The following NOL9 variants were observed in gnomAD, a reference collection of about 807,000 sequenced individuals.
NOL9 encodes the protein polynucleotide 5'-hydroxyl-kinase NOL9.
In NOL9, 28 loss-of-function variants were observed where a neutral mutation model predicts 67.9. The ratio of observed to expected loss-of-function variants is 0.41; its 90% CI spans 0.31 to 0.57. The LOEUF (loss-of-function observed/expected upper bound fraction) is 0.57, where lower values mean the gene tolerates loss of function less well. NOL9 is among the 20% of genes least tolerant of loss of function. The pLI is 0.25. For synonymous variants in NOL9, 356 were observed against 352.2 expected (o/e 1.01, Z -0.12); for missense variants, 777 against 897.0 (o/e 0.87, Z 1.71).
intron 3 of NOL9, among the ~76,000 whole-genome samples, chr1:6,546,962 C>G (rs747174110): frequency 6.6e-6 from 1 of 152,198 alleles, no homozygotes; most frequent in African/African-American, 2.4e-5. Flanking sequence ...TCTCAGGTCT[C>G]ACCTGACCAC....
rs1280504510 is a variant in NOL9 at position 6,540,289 on chromosome 1, A to AT, written c.1075+1540dup. 3.3e-5 allele frequency among the ~76,000 whole-genome samples: 5 copies of AT among 151,608 alleles called. 1 individual carries two copies. The highest frequency in any genetic ancestry group is 7.4e-5 in the Non-Finnish European group (5 of 67,898). On this transcript the variant is annotated intron_variant, in intron 6 of 11. Transcript: ENST00000377705. ...AGGCGCCCGCCACTACGCCTGGCTA[A>AT]TTTTTTGTATTTTTAGTAGAGACGG...
chr1:6,537,050 T>C (rs1347417618), intron 6 of NOL9, among the ~76,000 whole-genome samples: 2 of 151,768 alleles, frequency 1.3e-5, no homozygotes, highest in Non-Finnish European at 2.9e-5. Flanking sequence ...AAAAAAGACA[T>C]ATCACCCAAT....
intron 10 of NOL9, among the ~76,000 whole-genome samples, chr1:6,528,494 G>A (rs1638940899): frequency 1.3e-5 from 2 of 152,326 alleles, no homozygotes; most frequent in Non-Finnish European, 2.9e-5. Context: ...AGGGGCCAGG[G>A]TCTGACCTGG....
chr1:6,532,040 C>G lies in NOL9; in HGVS notation c.1575G>C (p.Leu525Phe). The G allele has an allele frequency of 6.2e-7, 1 of 1,614,162 alleles. No homozygotes were observed. Among genetic ancestry groups the G allele is most frequent in the South Asian group, 1.1e-5 (1 of 91,086 alleles). The change falls in exon 9 of 12, where the codon TTG becomes TTC. Residue 525 changes from leucine (L) to phenylalanine (F), a missense_variant. Transcript: ENST00000377705. The part of the protein sequence containing the change: ...HNKILRDLSI[L>F]SYLSQLQPPM... ...GGGGCTGCAGCTGGCTAAGGTAACT[C>G]AAGATGGACAGATCTCGAAGAATTT...
chr1:6,543,717 T>C (rs1435012719), intron 5 of NOL9, among the ~76,000 whole-genome samples: 2 of 152,220 alleles, frequency 1.3e-5, no homozygotes, highest in African/African-American at 4.8e-5. Flanking sequence ...GGCTTATATC[T>C]GTAATCCCAG....
Position 6,533,403 on chromosome 1 carries a change from C to A in NOL9, c.1114G>T (p.Val372Leu), listed in dbSNP as rs200738743. ...TTACAAGAAGGTTTCCCATAATATACCATCTTCTGTGGAGTCCTCAGGTGA... is the reference window on the plus strand; with the variant it reads ...TTACAAGAAGGTTTCCCATAATATAACATCTTCTGTGGAGTCCTCAGGTGA... ...FTHLRTPQKM[V>L]YYGKPSCKNN... Residue 372 changes from valine (V) to leucine (L), a missense_variant, in exon 7 of 12, where the codon GTA becomes TTA. Transcript: ENST00000377705. The A allele has an allele frequency of 6.2e-7, 1 of 1,612,190 alleles. No individual in the cohort carries two copies. The highest frequency in any genetic ancestry group is 2.2e-5 in the East Asian group (1 of 44,822).
intron 5 of NOL9, among the ~76,000 whole-genome samples, chr1:6,542,418 C>T (rs1253341599): frequency 2.7e-5 from 4 of 150,914 alleles, no homozygotes; most frequent in Non-Finnish European, 5.9e-5. Flanking sequence ...CCACCTCGGT[C>T]CCCCAAAGTG....
At position 6,526,702 on chromosome 1, in the gene NOL9, C is replaced by T. The variant is rs1358609279; in HGVS notation, c.1953G>A (p.Lys651=). The T allele has an allele frequency of 1.9e-6, 3 of 1,612,106 alleles. No individual in the cohort carries two copies. Among genetic ancestry groups the T allele is most frequent in the Admixed American group, 3.4e-5 (2 of 59,680 alleles). ...TGCCCGGGGGAAGGCTCACCTGGCA[C>T]TTAAGGACACAATGTGGAATGGCAA... The part of the protein sequence containing the change: ...GAIAIPHCVL[K]CQRGIEGTVP... Residue 651 remains lysine, a synonymous_variant, in exon 11 of 12, where the codon AAG becomes AAA. Transcript: ENST00000377705.
intron 6 of NOL9, chr1:6,541,010 C>CTTTTTTTT (rs1287698159): frequency 8.1e-6 from 1 of 123,092 alleles, no homozygotes; most frequent in African/African-American, 3.1e-5. Flanking sequence ...TGGTTAACAG[C>CTTTTTTTT]GTTTTTTTTT....
At position 6,532,769 on chromosome 1, in the gene NOL9, A is replaced by G. The variant is rs780345904; in HGVS notation, c.1238-9T>C. On this transcript the variant is annotated splice_polypyrimidine_tract_variant and intron_variant, in intron 7 of 11. Transcript: ENST00000377705. ...AAGCAGGAGCCCCTGGTCTGTGGGGAAGAGACATTAGCACAGCTGATACAC... is the reference window on the plus strand; with the variant it reads ...AAGCAGGAGCCCCTGGTCTGTGGGGGAGAGACATTAGCACAGCTGATACAC... 6 of 1,607,362 alleles carry G rather than the reference A, an allele frequency of 3.7e-6. No homozygotes were observed. The highest frequency in any genetic ancestry group is 5.1e-6 in the Non-Finnish European group (6 of 1,175,868).
chr1:6,527,427 G>A (rs1403581743), intron 10 of NOL9, among the ~76,000 whole-genome samples: 5 of 151,756 alleles, frequency 3.3e-5, no homozygotes, highest in African/African-American at 1.2e-4. Context: ...CGGGTACATC[G>A]AATGAGGTCA....
chr1:6,554,020 C>G (rs1346305247), intron 1 of NOL9, 87 bp downstream of exon 1: 3 of 1,130,912 alleles, frequency 2.7e-6, no homozygotes, highest in Non-Finnish European at 3.6e-6. Context: ...CGGGGGACCA[C>G]GGTCCTCTCC....
In NOL9 at chr1:6,548,954, C is replaced by A. The variant is rs111465153; in HGVS notation, c.744+617G>T. Among the ~76,000 whole-genome samples, 21 of 152,016 alleles carry A rather than the reference C, an allele frequency of 1.4e-4. No individual in the cohort carries two copies. The East Asian group carries it at 4.1e-3, about 29-fold the overall frequency. On this transcript the variant is annotated intron_variant, in intron 3 of 11. Transcript: ENST00000377705. ...AAAATTAGCTGGGCATGGTGGCATG[C>A]ACCTGTGGTCCTAGCTACTTGGGAG...
Position 6,550,622 on chromosome 1 carries a change from G to C in NOL9, c.397-7C>G. 3.1e-6 allele frequency: 5 copies of C among 1,605,870 alleles called. No individual in the cohort carries two copies. Among genetic ancestry groups the C allele is most frequent in the Non-Finnish European group, 3.4e-6 (4 of 1,173,204 alleles). On this transcript the variant is annotated splice_polypyrimidine_tract_variant and splice_region_variant and intron_variant, in intron 1 of 11. Coordinates refer to ENST00000377705, the MANE Select transcript of NOL9 (RefSeq NM_024654.5). ...TCCCACTAAAAGTAAAACCCTAGCA[G>C]GGAGAGAAAACAGAAAAAACATTAT...
chr1:6,551,662 G>A (rs1221844865), intron 1 of NOL9, among the ~76,000 whole-genome samples: 8 of 151,980 alleles, frequency 5.3e-5, no homozygotes, highest in South Asian at 2.1e-4. Context: ...CATAAAAAGG[G>A]ATGAGATCAT....
chr1:6,529,002 A>G lies in NOL9; in HGVS notation c.1817T>C (p.Leu606Ser). Residue 606 changes from leucine to serine, a missense_variant, in exon 10 of 12, where the codon TTG becomes TCG. Coordinates refer to ENST00000377705, the MANE Select transcript of NOL9 (RefSeq NM_024654.5). Reference sequence around the variant, plus strand: ...TTTACTCTCAGACTCACCAAAGCCCAAGCAGTCACAGATTGGAGTCTGGGC... The same window carrying G: ...TTTACTCTCAGACTCACCAAAGCCCGAGCAGTCACAGATTGGAGTCTGGGC... ...LLAQTPICDCLGFGICRGIDM... is the reference protein window; with the variant it reads ...LLAQTPICDCSGFGICRGIDM... 6.2e-7 allele frequency: 1 copy of G among 1,614,072 alleles called. No individual in the cohort carries two copies. The highest frequency in any genetic ancestry group is 8.5e-7 in the Non-Finnish European group (1 of 1,179,978).
At chr1:6,543,261 T>A (rs140775026) in intron 5 of NOL9, among the ~76,000 whole-genome samples, 1,557 of 150,520 alleles carry the variant, frequency 0.01, 19 homozygotes, top group Middle Eastern at 0.066. Flanking sequence ...AGCGGCACCA[T>A]CTCGGCTCAC....
chr1:6,546,391 C>A (rs1298613196), intron 3 of NOL9, among the ~76,000 whole-genome samples: 1 of 152,222 alleles, frequency 6.6e-6, no homozygotes, highest in African/African-American at 2.4e-5. Flanking sequence ...CTGCAAAAGA[C>A]TAAAAGGCAA....
At chr1:6,531,685 C>T (rs1639031949) in intron 9 of NOL9, among the ~76,000 whole-genome samples, 1 of 152,142 alleles carries the variant, frequency 6.6e-6, no homozygotes, top group African/African-American at 2.4e-5. Context: ...AGCACGGACC[C>T]ACACTTATCC....
Sources: allele counts gnomAD v4.1 joint callset (sites outside exome capture counted in the v4.1 genomes callset), GRCh38; gene constraint gnomAD v4.1.1; transcripts MANE v1.5; gene names NCBI Gene and HGNC (gene_info 2026-07-23, HGNC 2026-07-21).